The following EYA1 variants were observed in gnomAD, a reference collection of about 807,000 sequenced individuals.
EYA1 encodes EYA transcriptional coactivator and phosphatase 1.
Under a neutral mutation model 82.0 loss-of-function variants are expected in EYA1, and 16 were observed. The ratio of observed to expected loss-of-function variants is 0.20; its 90% CI spans 0.13 to 0.30. The LOEUF (loss-of-function observed/expected upper bound fraction) is 0.30, where lower values mean the gene tolerates loss of function less well. Among genes scored for constraint, EYA1 ranks in the 10% least tolerant of loss-of-function variants. The pLI is 1.00. For missense variants in EYA1, 633 were observed against 730.7 expected, an observed-to-expected ratio of 0.87 and a Z score of 1.54; for synonymous variants, 261 against 264.4, an observed-to-expected ratio of 0.99 and a Z score of 0.12.
intron 2 of EYA1, among the ~76,000 whole-genome samples, chr8:71,401,652 A>C (rs1156405715): frequency 6.6e-6 from 1 of 152,178 alleles, no homozygotes; most frequent in African/African-American, 2.4e-5. Context: ...CCATTGCCTC[A>C]GTTTCTTCAT....
At chr8:71,286,471 T>G (rs1010643513) in intron 9 of EYA1, among the ~76,000 whole-genome samples, 1 of 152,220 alleles carries the variant, frequency 6.6e-6, no homozygotes, top group Non-Finnish European at 1.5e-5. Flanking sequence ...CATATTGTTA[T>G]GCCAGCTGAC....
intron 2 of EYA1, among the ~76,000 whole-genome samples, chr8:71,479,720 G>T (rs184149598): frequency 1.3e-5 from 2 of 149,910 alleles, no homozygotes; most frequent in Non-Finnish European, 3.0e-5. Context: ...GGCCCAAGCA[G>T]CTACACTGGC....
intron 11 of EYA1, among the ~76,000 whole-genome samples, chr8:71,262,079 G>A (rs1244603280): frequency 6.6e-6 from 1 of 152,152 alleles, no homozygotes; most frequent in South Asian, 2.1e-4. Context: ...CTAAGCCTGG[G>A]TCAATTACAA....
At chr8:71,244,531 T>C (rs1245808360) in intron 12 of EYA1, 72 bp downstream of exon 12, 9 of 797,220 alleles carry the variant, frequency 1.1e-5, no homozygotes, top group Non-Finnish European at 4.3e-6. Flanking sequence ...AAAAATAATA[T>C]CCTATCTTTA....
intron 12 of EYA1, among the ~76,000 whole-genome samples, chr8:71,237,460 T>C (rs2128892475): frequency 6.6e-6 from 1 of 152,356 alleles, no homozygotes; most frequent in East Asian, 1.9e-4. Context: ...GTTCTTTGAT[T>C]GGTTATATTT....
chr8:71,249,579 T>G (rs1287603007), intron 11 of EYA1, among the ~76,000 whole-genome samples: 1 of 152,136 alleles, frequency 6.6e-6, no homozygotes, highest in Non-Finnish European at 1.5e-5. Context: ...ATGGGAATTA[T>G]GGGAGCTACA....
At chr8:71,397,101 G>A (rs1202862110) in intron 2 of EYA1, among the ~76,000 whole-genome samples, 1 of 152,160 alleles carries the variant, frequency 6.6e-6, no homozygotes, top group East Asian at 1.9e-4. Flanking sequence ...TCAGAGACCA[G>A]GATTGCAACC....
chr8:71,286,069 G>A (rs942584332), intron 9 of EYA1, among the ~76,000 whole-genome samples: 1 of 152,156 alleles, frequency 6.6e-6, no homozygotes, highest in South Asian at 2.1e-4. Flanking sequence ...GTCCATGCAG[G>A]GCAAAGGCAG....
chr8:71,428,351 C>T (rs188679334), intron 2 of EYA1, among the ~76,000 whole-genome samples: 1 of 152,206 alleles, frequency 6.6e-6, no homozygotes, highest in Non-Finnish European at 1.5e-5. Context: ...TTGTAAAAAC[C>T]TAATAAAATG....
intron 2 of EYA1, among the ~76,000 whole-genome samples, chr8:71,472,418 C>T (rs899514041): frequency 6.6e-6 from 1 of 152,032 alleles, no homozygotes; most frequent in Non-Finnish European, 1.5e-5. Context: ...AATTTCCTTG[C>T]TGTTTTGGGT....
chr8:71,484,910 G>C (rs952316768), intron 2 of EYA1, among the ~76,000 whole-genome samples: 1 of 152,162 alleles, frequency 6.6e-6, no homozygotes, highest in African/African-American at 2.4e-5. Flanking sequence ...CTGCTGTTGG[G>C]AGCCACGCCT....
At chr8:71,394,579 G>A (rs901755978) in intron 2 of EYA1, among the ~76,000 whole-genome samples, 1 of 151,980 alleles carries the variant, frequency 6.6e-6, no homozygotes, top group Non-Finnish European at 1.5e-5. Context: ...TTTTGTCAGG[G>A]TTGTGAAAGA....
chr8:71,522,448 T>A (rs1454595634), intron 2 of EYA1, among the ~76,000 whole-genome samples: 2 of 152,204 alleles, frequency 1.3e-5, no homozygotes, highest in Non-Finnish European at 2.9e-5. Context: ...ATACATGTTC[T>A]TTATTTTCTG....
At chr8:71,218,553 C>T (rs1450396895) in intron 12 of EYA1, among the ~76,000 whole-genome samples, 1 of 152,142 alleles carries the variant, frequency 6.6e-6, no homozygotes, top group Non-Finnish European at 1.5e-5. Context: ...CCCCTGCTCT[C>T]CTGAGGTCCA....
chr8:71,271,455 G>A (rs560708439), intron 10 of EYA1, among the ~76,000 whole-genome samples: 4 of 152,110 alleles, frequency 2.6e-5, no homozygotes, highest in African/African-American at 4.8e-5. Context: ...AATTAAAATG[G>A]CAATGATACA....
chr8:71,514,454 A>G (rs1247731862), intron 2 of EYA1, among the ~76,000 whole-genome samples: 4 of 152,316 alleles, frequency 2.6e-5, no homozygotes, highest in African/African-American at 9.6e-5. Context: ...GATACTATGT[A>G]TTAGTCTGTT....
At chr8:71,353,029 T>C (rs1389461771) in intron 3 of EYA1, among the ~76,000 whole-genome samples, 3 of 152,234 alleles carry the variant, frequency 2.0e-5, no homozygotes, top group Admixed American at 2.0e-4. Context: ...TGCTCTTCCA[T>C]ATATGTACTC....
chr8:71,263,676 CA>C (rs1187858806), intron 11 of EYA1, among the ~76,000 whole-genome samples: 1 of 152,186 alleles, frequency 6.6e-6, no homozygotes, highest in Non-Finnish European at 1.5e-5. Flanking sequence ...CAGAGGCAGG[CA>C]GACAGCCTTT....
chr8:71,479,780 T>C (rs1465608516), intron 2 of EYA1, among the ~76,000 whole-genome samples: 1 of 151,844 alleles, frequency 6.6e-6, no homozygotes, highest in East Asian at 1.9e-4. Context: ...GTGGATAGGG[T>C]TTCCTAAGAT....
Sources: allele counts gnomAD v4.1 joint callset (sites outside exome capture counted in the v4.1 genomes callset), GRCh38; gene constraint gnomAD v4.1.1; transcripts MANE v1.5; gene names NCBI Gene and HGNC (gene_info 2026-07-23, HGNC 2026-07-21).